The following CIMIP1 variants were observed in gnomAD, a reference collection of about 807,000 sequenced individuals.
CIMIP1 encodes the protein ciliary microtubule inner protein 1.
chr20:58,158,622 C>T, the CIMIP1 span, among the ~76,000 whole-genome samples: 1 of 152,002 alleles, frequency 6.6e-6, no homozygotes, highest in African/African-American at 2.4e-5. Context: ...TGCACTCCAG[C>T]CTGGGCGACA....
chr20:58,153,297 A>G, the CIMIP1 span, among the ~76,000 whole-genome samples: 1 of 152,074 alleles, frequency 6.6e-6, no homozygotes, highest in Non-Finnish European at 1.5e-5. Flanking sequence ...CGGCCCCCAG[A>G]CTGGCCCTTA....
At chr20:58,160,926 C>T in the CIMIP1 span, 10 of 1,280,224 alleles carry the variant, frequency 7.8e-6, no homozygotes, top group Non-Finnish European at 9.6e-6. Flanking sequence ...GACACAGTCC[C>T]CTGCGTACTT....
the CIMIP1 span, among the ~76,000 whole-genome samples, chr20:58,159,241 C>T: frequency 4.2e-4 from 55 of 130,452 alleles, no homozygotes; most frequent in African/African-American, 1.6e-3. Context: ...CCAGGCTGGG[C>T]ATGATGGCTC....
At chr20:58,153,598 G>C in the CIMIP1 span, 44 of 1,613,892 alleles carry the variant, frequency 2.7e-5, no homozygotes, top group Non-Finnish European at 3.5e-5. Flanking sequence ...CCCAGAACTG[G>C]GGGTTTTTAA....
the CIMIP1 span, among the ~76,000 whole-genome samples, chr20:58,156,427 C>A: frequency 6.6e-6 from 1 of 151,630 alleles, no homozygotes; most frequent in Non-Finnish European, 1.5e-5. Flanking sequence ...CAAGGCGATG[C>A]GACAGGAGCT....
At chr20:58,152,711 C>T in the CIMIP1 span, among the ~76,000 whole-genome samples, 4 of 86,644 alleles carry the variant, frequency 4.6e-5, no homozygotes, top group South Asian at 3.8e-4. Flanking sequence ...AAAAAAAAGG[C>T]GAAACTCCAT....
chr20:58,150,991 G>GGC, the CIMIP1 span: 1 of 1,609,020 alleles, frequency 6.2e-7, no homozygotes. Context: ...TCAGCACCGC[G>GGC]GCGGCTGAAC....
chr20:58,155,620 G>C, the CIMIP1 span: 1 of 1,483,336 alleles, frequency 6.7e-7, no homozygotes, highest in Non-Finnish European at 9.4e-7. Context: ...ATTTTCCTAA[G>C]TAAGAAATAA....
the CIMIP1 span, among the ~76,000 whole-genome samples, chr20:58,157,139 GCTC>G: frequency 6.6e-6 from 1 of 152,182 alleles, no homozygotes; most frequent in African/African-American, 2.4e-5. Flanking sequence ...TTTTGGGGGT[GCTC>G]CTTCCAGAGG....
the CIMIP1 span, chr20:58,153,744 C>A: frequency 2.6e-6 from 2 of 758,708 alleles, no homozygotes; most frequent in Non-Finnish European, 4.4e-6. Context: ...GCAAAGATCA[C>A]TAACTCCTAA....
chr20:58,153,805 G>A, the CIMIP1 span, among the ~76,000 whole-genome samples: 25 of 152,350 alleles, frequency 1.6e-4, no homozygotes, highest in East Asian at 7.7e-4. Flanking sequence ...CCACATGCCA[G>A]GCATGTTCTA....
the CIMIP1 span, among the ~76,000 whole-genome samples, chr20:58,158,658 A>G: frequency 6.6e-6 from 1 of 152,102 alleles, no homozygotes; most frequent in African/African-American, 2.4e-5. Context: ...TCAAAAAAAA[A>G]AAAATGGTAG....
the CIMIP1 span, among the ~76,000 whole-genome samples, chr20:58,152,424 ATTT>A: frequency 2.7e-5 from 3 of 112,698 alleles, no homozygotes; most frequent in Non-Finnish European, 3.9e-5. Flanking sequence ...ACGATGATTT[ATTT>A]AAAAAAAAAA....
chr20:58,153,584 T>C, the CIMIP1 span: 5 of 1,614,172 alleles, frequency 3.1e-6, no homozygotes, highest in South Asian at 1.1e-5. Flanking sequence ...ACGGCAGAAC[T>C]GGCCCCAGAA....
chr20:58,151,689 A>G, the CIMIP1 span, among the ~76,000 whole-genome samples: 1 of 152,166 alleles, frequency 6.6e-6, no homozygotes, highest in African/African-American at 2.4e-5. Flanking sequence ...TTAGGATTGC[A>G]TGCGTGAGTC....
At chr20:58,150,941 G>A in the CIMIP1 span, 1 of 1,591,674 alleles carries the variant, frequency 6.3e-7, no homozygotes, top group Non-Finnish European at 8.6e-7. Context: ...AGAGCTTGCG[G>A]GGCGCACAGA....
chr20:58,158,066 G>A, the CIMIP1 span, among the ~76,000 whole-genome samples: 12 of 152,198 alleles, frequency 7.9e-5, no homozygotes, highest in Non-Finnish European at 1.8e-4. Flanking sequence ...CCCTGGGCCT[G>A]CTCTGCACAA....
the CIMIP1 span, among the ~76,000 whole-genome samples, chr20:58,157,068 GAAATACACCA>G: frequency 1.3e-5 from 2 of 152,120 alleles, no homozygotes; most frequent in South Asian, 4.1e-4. Context: ...AAAATATTTA[GAAATACACCA>G]AAATATAATA....
chr20:58,152,899 G>A, the CIMIP1 span, among the ~76,000 whole-genome samples: 66 of 152,234 alleles, frequency 4.3e-4, no homozygotes, highest in Non-Finnish European at 8.1e-4. Context: ...GTTGACCAGG[G>A]TCTCCGAAAC....
Sources: gnomAD v4.1 joint callset for allele counts (sites outside exome capture counted in the v4.1 genomes callset) on GRCh38, gnomAD v4.1.1 for gene constraint, MANE v1.5 for transcripts, NCBI Gene and HGNC (gene_info 2026-07-23, HGNC 2026-07-21) for gene names.